Variants in OCA2 observed in about 807,000 individuals in gnomAD.
The protein encoded by OCA2 is P protein.
A neutral mutation model predicts 100.2 loss-of-function variants in OCA2; 77 were observed. The ratio of observed to expected loss-of-function variants is 0.77; its 90% CI spans 0.64 to 0.93. The LOEUF is 0.93. Ranked by LOEUF, OCA2 falls within the 40% of genes least tolerant of loss-of-function variation. The pLI, the probability that OCA2 is intolerant of heterozygous loss-of-function variation, is 0.00. For missense variants in OCA2, 1,062 were observed against 1,089.1 expected (o/e 0.98, Z 0.35); for synonymous variants, 432 against 439.2 (o/e 0.98, Z 0.21).
the OCA2 span, among the ~76,000 whole-genome samples, chr15:27,721,647 A>ATCACAT: frequency 6.6e-6 from 1 of 152,234 alleles, no homozygotes; most frequent in African/African-American, 2.4e-5. Context: ...AAGGACAATT[A>ATCACAT]TCACATTCCT....
chr15:27,985,170 C>T lies in OCA2; in HGVS notation c.1258G>A (p.Gly420Arg). The change falls in exon 13 of 24, where the codon GGA becomes AGA. Residue 420 changes from glycine (G) to arginine (R), a missense_variant. Coordinates refer to ENST00000354638, the MANE Select transcript of OCA2 (RefSeq NM_000275.3). ...ATGATGATCATGGCCCACACCCGTC[C>T]CCGGGAGAGCCGGTATGCCTGGCCA... ...CAVKAYRLSR[G>R]RVWAMIIMLC... is the part of the protein sequence containing the mutation. 1 of 1,613,802 alleles carries T rather than the reference C, an allele frequency of 6.2e-7. No homozygotes were observed. The highest frequency in any genetic ancestry group is 1.1e-5 in the South Asian group (1 of 91,068).
At chr15:27,923,225 T>G (rs998848206) in intron 19 of OCA2, among the ~76,000 whole-genome samples, 6 of 152,202 alleles carry the variant, frequency 3.9e-5, no homozygotes, top group Admixed American at 3.9e-4. Context: ...TACCACTTTA[T>G]CCACTTTTCT....
intron 6 of OCA2, 139 bp downstream of exon 6, chr15:28,022,362 G>A: frequency 1.4e-6 from 1 of 700,064 alleles, no homozygotes; most frequent in Non-Finnish European, 2.6e-6. Context: ...TCTCTCATCA[G>A]ACATCCTGGA....
the OCA2 span, among the ~76,000 whole-genome samples, chr15:27,720,528 A>G: frequency 6.6e-6 from 1 of 151,092 alleles, no homozygotes; most frequent in East Asian, 1.9e-4. Context: ...ATATTCATCT[A>G]CATATGTATG....
At chr15:27,964,754 G>A (rs2040510948) in intron 15 of OCA2, among the ~76,000 whole-genome samples, 1 of 152,106 alleles carries the variant, frequency 6.6e-6, no homozygotes, top group Non-Finnish European at 1.5e-5. Context: ...TGGGGCTTGG[G>A]AATCTGCAGT....
chr15:27,787,561 C>T (rs2032874751), intron 23 of OCA2, among the ~76,000 whole-genome samples: 3 of 151,846 alleles, frequency 2.0e-5, no homozygotes, highest in South Asian at 4.1e-4. Flanking sequence ...TTTTATAATA[C>T]TTATAACTTT....
At chr15:27,889,469 T>C (rs925963671) in intron 19 of OCA2, among the ~76,000 whole-genome samples, 1 of 152,118 alleles carries the variant, frequency 6.6e-6, no homozygotes, top group Non-Finnish European at 1.5e-5. Context: ...CCAAAAGGTA[T>C]GTCTAAGGGT....
chr15:28,018,448 C>T lies in OCA2; in HGVS notation c.756G>A (p.Val252=). 1 of 1,614,120 alleles carries T rather than the reference C, an allele frequency of 6.2e-7. No individual in the cohort carries two copies. The highest frequency in any genetic ancestry group is 8.5e-7 in the Non-Finnish European group (1 of 1,180,026). ...CCAAAGCGTCAGCCTGGGTCAGCTC[C>T]ACCACGATGTGCTCTTCCCTCCCAG... The part of the protein sequence containing the change: ...SRPGREEHIV[V]ELTQADALGS... The change falls in exon 7 of 24, where the codon GTG becomes GTA. Residue 252 remains valine, a synonymous_variant. Transcript: ENST00000354638.
At chr15:27,944,620 C>T (rs1306711331) in intron 18 of OCA2, among the ~76,000 whole-genome samples, 1 of 152,154 alleles carries the variant, frequency 6.6e-6, no homozygotes, top group African/African-American at 2.4e-5. Context: ...GACTGGCCAG[C>T]TGCTCCTGTG....
At chr15:27,789,140 G>T (rs1242729694) in intron 23 of OCA2, among the ~76,000 whole-genome samples, 2 of 133,138 alleles carry the variant, frequency 1.5e-5, no homozygotes, top group East Asian at 2.4e-4. Flanking sequence ...ATTTATTCAG[G>T]CTCATCTATA....
At chr15:27,911,707 C>A (rs2038403905) in intron 19 of OCA2, among the ~76,000 whole-genome samples, 1 of 152,108 alleles carries the variant, frequency 6.6e-6, no homozygotes. Context: ...TTAGAGGATC[C>A]ACCCCCCATG....
chr15:28,028,472 G>T (rs1027682036), intron 3 of OCA2, among the ~76,000 whole-genome samples: 25 of 152,182 alleles, frequency 1.6e-4, no homozygotes, highest in African/African-American at 9.6e-5. Context: ...CCTCTGTGTA[G>T]ATCTCTTTCT....
At chr15:28,050,386 G>T (rs575782304) in intron 2 of OCA2, among the ~76,000 whole-genome samples, 1 of 151,962 alleles carries the variant, frequency 6.6e-6, no homozygotes. Context: ...GTGAAACCCC[G>T]TCTCTACTAA....
At chr15:28,049,957 G>A (rs887442846) in intron 2 of OCA2, among the ~76,000 whole-genome samples, 1 of 152,148 alleles carries the variant, frequency 6.6e-6, no homozygotes, top group Non-Finnish European at 1.5e-5. Flanking sequence ...TAGATTATAT[G>A]ATATATATTT....
chr15:27,811,293 G>T (rs896117639), intron 23 of OCA2, among the ~76,000 whole-genome samples: 3 of 152,294 alleles, frequency 2.0e-5, no homozygotes, highest in Admixed American at 2.0e-4. Flanking sequence ...GTTTTCAGTT[G>T]TAAGTGGGAG....
intron 23 of OCA2, among the ~76,000 whole-genome samples, chr15:27,831,284 C>CAAAAAAAAAAAAAAAAAAAAAAAA (rs71132824): frequency 8.0e-5 from 5 of 62,630 alleles, no homozygotes; most frequent in Non-Finnish European, 1.4e-4. Context: ...GACTCCGTCT[C>CAAAAAAAAAAAAAAAAAAAAAAAA]AAAAAAAAAA....
At chr15:27,834,233 T>G (rs1370195500) in intron 23 of OCA2, among the ~76,000 whole-genome samples, 1 of 152,160 alleles carries the variant, frequency 6.6e-6, no homozygotes, top group Non-Finnish European at 1.5e-5. Context: ...GCCAATGTAA[T>G]GAAGCCTCAA....
At position 27,846,156 on chromosome 15, in the gene OCA2, C is replaced by A. The variant is rs184339494; in HGVS notation, c.2339-1104G>T. ...AGCTGCGATATGCGAGTCTTCGGGG[C>A]AGTGCTGGCCCAGACAGCCCCCTCT... On this transcript the variant is annotated intron_variant, in intron 22 of 23. Transcript: ENST00000354638. Among the ~76,000 whole-genome samples the A allele has an allele frequency of 4.9e-4, 75 of 152,084 alleles. 1 individual carries two copies. The highest frequency in any genetic ancestry group is 1.3e-4 in the Non-Finnish European group (9 of 68,010).
chr15:27,992,852 G>T (rs900032481), intron 9 of OCA2, among the ~76,000 whole-genome samples: 1 of 152,178 alleles, frequency 6.6e-6, no homozygotes, highest in African/African-American at 2.4e-5. Flanking sequence ...GCCTGGCACA[G>T]TGGCTCACAC....
Sources: allele counts gnomAD v4.1 joint callset (sites outside exome capture counted in the v4.1 genomes callset), GRCh38; gene constraint gnomAD v4.1.1; transcripts MANE v1.5; gene names NCBI Gene and HGNC (gene_info 2026-07-23, HGNC 2026-07-21).